DNAH14: variants seen among roughly 807,000 people sequenced by gnomAD.
DNAH14 encodes the protein axonemal beta dynein heavy chain 14.
A neutral mutation model predicts 520.9 loss-of-function variants in DNAH14; 478 were observed. The ratio of observed to expected loss-of-function variants is 0.92; its 90% CI spans 0.85 to 0.99. The LOEUF (loss-of-function observed/expected upper bound fraction) is 0.99, where lower values mean the gene tolerates loss of function less well. Among genes scored for constraint, DNAH14 ranks in the 50% least tolerant of loss-of-function variants. The probability of loss-of-function intolerance (pLI) is 0.00; values close to 1 mark genes in which losing one functional copy is unlikely to be tolerated. For missense variants in DNAH14, 4,831 were observed against 5,234.5 expected (o/e 0.92, Z 2.38); for synonymous variants, 1,581 against 1,757.2 (o/e 0.90, Z 2.51).
chr1:225,280,214 C>T (rs952233830), intron 54 of DNAH14, among the ~76,000 whole-genome samples: 2 of 152,062 alleles, frequency 1.3e-5, no homozygotes, highest in African/African-American at 4.8e-5. Context: ...TCAAAATATG[C>T]TTAATGGGGC....
intron 17 of DNAH14, among the ~76,000 whole-genome samples, chr1:225,078,768 ATCTCTCTCTCTCTC>A (rs1170812870): frequency 1.4e-3 from 22 of 15,678 alleles, no homozygotes; most frequent in African/African-American, 3.8e-3. Context: ...CCCATTCTCA[ATCTCTCTCTCTCTC>A]TCTCTCTCTC....
At chr1:225,226,919 G>A (rs1358362391) in intron 41 of DNAH14, among the ~76,000 whole-genome samples, 1 of 152,164 alleles carries the variant, frequency 6.6e-6, no homozygotes, top group Non-Finnish European at 1.5e-5. Flanking sequence ...GTGACTTGAT[G>A]TGCATGTAGG....
At chr1:225,131,448 T>C (rs1264259133) in intron 27 of DNAH14, among the ~76,000 whole-genome samples, 1 of 152,190 alleles carries the variant, frequency 6.6e-6, no homozygotes, top group Non-Finnish European at 1.5e-5. Context: ...AAGTCAGCAA[T>C]GTGCATCTTT....
intron 17 of DNAH14, among the ~76,000 whole-genome samples, chr1:225,052,464 C>T (rs541876816): frequency 2.0e-5 from 3 of 152,240 alleles, no homozygotes; most frequent in African/African-American, 4.8e-5. Context: ...TTTAAGGGTA[C>T]GAACTTATAA....
At chr1:225,233,049 C>T (rs785167) in intron 42 of DNAH14, among the ~76,000 whole-genome samples, 19,984 of 152,086 alleles carry the variant, frequency 0.13, 1,478 homozygotes, top group East Asian at 0.31. Flanking sequence ...TAAGTGAGAA[C>T]ATGTAGTGTT....
At chr1:225,239,225 C>T (rs1416111067) in intron 42 of DNAH14, among the ~76,000 whole-genome samples, 5 of 152,138 alleles carry the variant, frequency 3.3e-5, no homozygotes, top group African/African-American at 1.2e-4. Flanking sequence ...GGCCAGAGTA[C>T]TTAAAACTCC....
At chr1:225,223,663 G>A (rs148046436) in intron 41 of DNAH14, among the ~76,000 whole-genome samples, 63 of 152,198 alleles carry the variant, frequency 4.1e-4, no homozygotes, top group Non-Finnish European at 5.0e-4. Flanking sequence ...GCCTCTAGTC[G>A]TTATTGACTT....
intron 7 of DNAH14, among the ~76,000 whole-genome samples, chr1:224,973,324 G>C (rs758394820): frequency 7.0e-6 from 1 of 143,376 alleles, no homozygotes; most frequent in Non-Finnish European, 1.5e-5. Context: ...TTTCCCACTA[G>C]CTCTCACTAG....
intron 71 of DNAH14, among the ~76,000 whole-genome samples, chr1:225,349,981 T>C (rs1023335386): frequency 6.6e-6 from 1 of 152,138 alleles, no homozygotes; most frequent in South Asian, 2.1e-4. Flanking sequence ...GTCTTCCCAA[T>C]AACAGCAGGA....
chr1:224,945,461 G>C (rs549968520), intron 1 of DNAH14, among the ~76,000 whole-genome samples: 1 of 152,146 alleles, frequency 6.6e-6, no homozygotes, highest in African/African-American at 2.4e-5. Flanking sequence ...GCTCAGAGTA[G>C]TTTGATCATC....
At chr1:225,086,129 A>AT (rs2073756792) in intron 21 of DNAH14, among the ~76,000 whole-genome samples, 1 of 150,418 alleles carries the variant, frequency 6.6e-6, no homozygotes, top group Non-Finnish European at 1.5e-5. Flanking sequence ...AATAATAATA[A>AT]TAATTATTAT....
chr1:225,087,406 A>G (rs1384210808), intron 21 of DNAH14, among the ~76,000 whole-genome samples: 1 of 152,206 alleles, frequency 6.6e-6, no homozygotes, highest in African/African-American at 2.4e-5. Context: ...CATTGTTACA[A>G]TGGCACTTGA....
intron 66 of DNAH14, among the ~76,000 whole-genome samples, chr1:225,334,811 G>A (rs1276330022): frequency 6.6e-6 from 1 of 151,764 alleles, no homozygotes; most frequent in Admixed American, 6.6e-5. Flanking sequence ...CAAGGCTGCA[G>A]TGAGGTGTCA....
chr1:225,107,291 G>A (rs2076141218), intron 23 of DNAH14, among the ~76,000 whole-genome samples: 2 of 152,162 alleles, frequency 1.3e-5, no homozygotes, highest in South Asian at 2.1e-4. Context: ...GCCCCTACTG[G>A]GGGGTGCCTC....
chr1:225,199,638 A>C (rs761747493), intron 38 of DNAH14, among the ~76,000 whole-genome samples: 1 of 152,080 alleles, frequency 6.6e-6, no homozygotes, highest in Non-Finnish European at 1.5e-5. Context: ...ATGTATTTGC[A>C]TGGTTTTGAA....
At chr1:224,939,469 G>A (rs1348798894) in intron 1 of DNAH14, among the ~76,000 whole-genome samples, 3 of 152,078 alleles carry the variant, frequency 2.0e-5, no homozygotes, top group Non-Finnish European at 2.9e-5. Context: ...AGGAGATTGA[G>A]ACCATCCTGG....
At position 225,050,304 on chromosome 1, in the gene DNAH14, A is replaced by G; in HGVS notation, c.2007A>G (p.Ile669Met). 6.5e-7 allele frequency: 1 copy of G among 1,550,036 alleles called. No individual in the cohort carries two copies. ...TACCTAATAAGACAGGAAGCATAAT[A>G]CATTATAAAGAGCAGACCAGATGGC... ...MDLPNKTGSI[I>M]HYKEQTRWPD... Residue 669 changes from isoleucine (I) to methionine (M), a missense_variant, in exon 16 of 86, where the codon ATA becomes ATG. Ile to Met is a conservative substitution (Grantham distance 10). Transcript: ENST00000682510.
intron 27 of DNAH14, among the ~76,000 whole-genome samples, chr1:225,132,640 C>T (rs1359060653): frequency 1.3e-5 from 2 of 152,048 alleles, no homozygotes; most frequent in African/African-American, 2.4e-5. Flanking sequence ...TTTGTTGATT[C>T]CATGTCTTTG....
rs28565961 is a variant in DNAH14, at chr1:225,393,830, T to G, written c.13491+1379T>G. On this transcript the variant is annotated intron_variant, in intron 84 of 85. Coordinates refer to ENST00000682510, the MANE Select transcript of DNAH14 (RefSeq NM_001367479.1). ...TCTTTTTTTGTTTTTTTTTTGTTTT[T>G]TTTTTTGAGACGGAGTCTTGCTCTG... 1.6e-3 allele frequency among the ~76,000 whole-genome samples: 241 copies of G among 151,758 alleles called. 2 individuals are homozygous for G. The highest frequency in any genetic ancestry group is 7.7e-3 in the East Asian group (40 of 5,166).
Sources: allele counts gnomAD v4.1 joint callset (sites outside exome capture counted in the v4.1 genomes callset), GRCh38; gene constraint gnomAD v4.1.1; transcripts MANE v1.5; gene names NCBI Gene and HGNC (gene_info 2026-07-23, HGNC 2026-07-21).